LPP: variants seen among roughly 807,000 people sequenced by gnomAD.
LPP encodes lipoma-preferred partner.
LPP carries 38 observed loss-of-function variants against 60.4 expected under a neutral mutation model. The observed-to-expected ratio is 0.63, with a 90% CI of 0.49 to 0.83. The LOEUF is 0.83. Among genes scored for constraint, LPP ranks in the 40% least tolerant of loss-of-function variants. LPP has a pLI of 0.00. For synonymous variants in LPP, 328 were observed against 290.8 expected (o/e 1.13, Z -1.30); for missense variants, 902 against 783.6 (o/e 1.15, Z -1.80).
At chr3:188,433,662 A>G (rs1373937497) in intron 4 of LPP, among the ~76,000 whole-genome samples, 2 of 146,872 alleles carry the variant, frequency 1.4e-5, no homozygotes, top group Admixed American at 6.8e-5. Flanking sequence ...GAGAGAGAGG[A>G]AAGGGAGAAA....
intron 7 of LPP, among the ~76,000 whole-genome samples, chr3:188,702,962 A>G (rs1488243531): frequency 2.6e-5 from 4 of 152,124 alleles, no homozygotes; most frequent in Admixed American, 2.6e-4. Flanking sequence ...CCCAGTTTCA[A>G]CGTTCTGCTG....
At chr3:188,577,169 G>C (rs960579930) in intron 6 of LPP, among the ~76,000 whole-genome samples, 7 of 152,114 alleles carry the variant, frequency 4.6e-5, no homozygotes, top group African/African-American at 1.4e-4. Flanking sequence ...TTCTAGATTT[G>C]TAAGACTTAA....
intron 3 of LPP, among the ~76,000 whole-genome samples, chr3:188,396,030 AC>A (rs1232625064): frequency 2.0e-5 from 3 of 152,226 alleles, no homozygotes; most frequent in Admixed American, 6.5e-5. Context: ...TAGGATACAA[AC>A]AACACAGTTG....
At chr3:188,517,099 T>C (rs1817583727) in intron 5 of LPP, among the ~76,000 whole-genome samples, 1 of 152,240 alleles carries the variant, frequency 6.6e-6, no homozygotes, top group Non-Finnish European at 1.5e-5. Context: ...TAGCATTTAT[T>C]GAATGCTTAT....
chr3:188,379,225 C>A (rs1776190888), intron 3 of LPP, among the ~76,000 whole-genome samples: 1 of 151,956 alleles, frequency 6.6e-6, no homozygotes, highest in Non-Finnish European at 1.5e-5. Context: ...ACAAAACTAA[C>A]CAAAAGTAAT....
intron 2 of LPP, among the ~76,000 whole-genome samples, chr3:188,269,645 A>G (rs796508758): frequency 9.5e-5 from 13 of 136,448 alleles, no homozygotes; most frequent in African/African-American, 3.1e-4. Flanking sequence ...CTTTTTTTTT[A>G]TGTGTGTGTG....
chr3:188,568,482 A>G (rs554157614), intron 6 of LPP: 1 of 152,080 alleles, frequency 6.6e-6, no homozygotes, highest in South Asian at 2.1e-4. Flanking sequence ...AGGGTTATGG[A>G]GATTGACAAT....
At chr3:188,293,340 C>T (rs1001570971) in intron 2 of LPP, among the ~76,000 whole-genome samples, 3 of 152,216 alleles carry the variant, frequency 2.0e-5, no homozygotes, top group Non-Finnish European at 2.9e-5. Flanking sequence ...TGGCTCCTAA[C>T]GTGGGGAGCC....
chr3:188,355,680 C>T (rs980707698), intron 3 of LPP, among the ~76,000 whole-genome samples: 1 of 151,994 alleles, frequency 6.6e-6, no homozygotes, highest in African/African-American at 2.4e-5. Context: ...ATATTTAACC[C>T]AAAGTGCTAT....
chr3:188,857,837 G>C lies in LPP; in HGVS notation c.1411-8363G>C, dbSNP rs556208889. ...GAATTAATGGTGAAGGGAAAAAATA[G>C]AAATACGGTGCTTCAGTGTGGTAGT... On this transcript the variant is annotated intron_variant, in intron 9 of 11. Transcript: ENST00000617246. Among the ~76,000 whole-genome samples the C allele has an allele frequency of 6.9e-4, 105 of 152,298 alleles. 2 individuals carry two copies. Among genetic ancestry groups the C allele is most frequent in the African/African-American group, 2.5e-3 (104 of 41,562 alleles).
chr3:188,481,553 A>G (rs1804770192), intron 4 of LPP, among the ~76,000 whole-genome samples: 1 of 152,154 alleles, frequency 6.6e-6, no homozygotes, highest in Non-Finnish European at 1.5e-5. Context: ...ACTGTGTCTG[A>G]GTTCTATTAG....
At chr3:188,768,894 A>G (rs747185921) in intron 9 of LPP, among the ~76,000 whole-genome samples, 2 of 152,156 alleles carry the variant, frequency 1.3e-5, no homozygotes, top group Non-Finnish European at 2.9e-5. Flanking sequence ...ATGGCATTCT[A>G]TTATTTGTAT....
At chr3:188,866,941 C>A (rs1467470421) in intron 10 of LPP, among the ~76,000 whole-genome samples, 2 of 152,186 alleles carry the variant, frequency 1.3e-5, no homozygotes, top group Non-Finnish European at 2.9e-5. Context: ...CCATTGTCAA[C>A]ATATTGATGC....
intron 7 of LPP, among the ~76,000 whole-genome samples, chr3:188,632,551 T>G (rs1848030304): frequency 6.6e-6 from 1 of 152,202 alleles, no homozygotes; most frequent in African/African-American, 2.4e-5. Context: ...AACTCTGGTT[T>G]TGTGGCCACC....
chr3:188,726,823 T>G (rs2149973394), intron 8 of LPP, among the ~76,000 whole-genome samples: 1 of 152,220 alleles, frequency 6.6e-6, no homozygotes, highest in South Asian at 2.1e-4. Flanking sequence ...TAGTTTGTGT[T>G]GCCAACATAA....
intron 1 of LPP, among the ~76,000 whole-genome samples, chr3:188,161,415 C>G (rs904612482): frequency 6.6e-6 from 1 of 152,146 alleles, no homozygotes; most frequent in Non-Finnish European, 1.5e-5. Context: ...TACTTTTGTC[C>G]TTCTAATTGT....
intron 9 of LPP, among the ~76,000 whole-genome samples, chr3:188,844,658 T>A (rs1229028296): frequency 6.6e-6 from 1 of 152,220 alleles, no homozygotes; most frequent in Non-Finnish European, 1.5e-5. Flanking sequence ...TTGAGAAGTA[T>A]CTACCATTTT....
At chr3:188,317,755 A>G (rs1755515798) in intron 2 of LPP, among the ~76,000 whole-genome samples, 1 of 149,082 alleles carries the variant, frequency 6.7e-6, no homozygotes, top group Admixed American at 6.7e-5. Flanking sequence ...ATGCTGTATT[A>G]ACCTGCTCTA....
chr3:188,515,924 C>G (rs1349639382), intron 5 of LPP, among the ~76,000 whole-genome samples: 2 of 109,876 alleles, frequency 1.8e-5, no homozygotes, highest in African/African-American at 2.6e-5. Flanking sequence ...TGATATTTTT[C>G]AGTAGAATAC....
Sources: allele counts gnomAD v4.1 joint callset (sites outside exome capture counted in the v4.1 genomes callset), GRCh38; gene constraint gnomAD v4.1.1; transcripts MANE v1.5; gene names NCBI Gene and HGNC (gene_info 2026-07-23, HGNC 2026-07-21).